The following MAGI2 variants were observed in gnomAD, a reference collection of about 807,000 sequenced individuals.
MAGI2 encodes membrane-associated guanylate kinase, WW and PDZ domain-containing protein 2.
MAGI2 carries 35 observed loss-of-function variants against 133.3 expected under a neutral mutation model. The ratio of observed to expected loss-of-function variants is 0.26; its 90% confidence interval spans 0.20 to 0.35. The LOEUF (loss-of-function observed/expected upper bound fraction) is 0.35, where lower values mean the gene tolerates loss of function less well. MAGI2 is among the 10% of genes least tolerant of loss of function. MAGI2 has a pLI of 1.00. For synonymous variants in MAGI2, 729 were observed against 710.6 expected, an observed-to-expected ratio of 1.03 and a Z score of -0.41; for missense variants, 1,636 against 1,863.4, an observed-to-expected ratio of 0.88 and a Z score of 2.25.
chr7:78,447,084 A>G (rs982448280), intron 6 of MAGI2, among the ~76,000 whole-genome samples: 35 of 152,090 alleles, frequency 2.3e-4, no homozygotes, highest in Admixed American at 3.9e-4. Flanking sequence ...GACTATCTGT[A>G]TATTCAAATA....
chr7:78,505,019 T>C (rs191666774), intron 4 of MAGI2, among the ~76,000 whole-genome samples: 2 of 152,280 alleles, frequency 1.3e-5, no homozygotes, highest in South Asian at 2.1e-4. Context: ...ACTGCAAGGA[T>C]GTACAACAGA....
At chr7:78,812,134 C>A (rs924431285) in intron 2 of MAGI2, among the ~76,000 whole-genome samples, 7 of 152,132 alleles carry the variant, frequency 4.6e-5, no homozygotes, top group African/African-American at 1.2e-4. Flanking sequence ...TCTCCCAGAT[C>A]CCCTAGAAAG....
intron 3 of MAGI2, among the ~76,000 whole-genome samples, chr7:78,594,235 A>G (rs192207598): frequency 1.5e-3 from 225 of 152,290 alleles, no homozygotes; most frequent in African/African-American, 5.2e-3. Context: ...ATGTTGCCCA[A>G]TTCTACAATT....
intron 2 of MAGI2, among the ~76,000 whole-genome samples, chr7:78,857,028 T>C (rs1350588095): frequency 6.6e-6 from 1 of 152,118 alleles, no homozygotes; most frequent in African/African-American, 2.4e-5. Context: ...TGAATGGGAG[T>C]TCACTCATGA....
Position 78,704,789 on chromosome 7 carries a change from T to TCC in MAGI2, c.419-77551_419-77550insGG, listed in dbSNP as rs71085558. 1.1e-3 allele frequency among the ~76,000 whole-genome samples: 158 copies of TCC among 140,332 alleles called. 3 individuals are homozygous for TCC. The highest frequency in any genetic ancestry group is 3.4e-3 in the African/African-American group (128 of 38,050). 92.1% of individuals were successfully genotyped at this position (140,332 alleles called of 152,430 possible). ...AGGAGGCCATTATTCTTTTTTTTTT[T>TCC]TTTTTTTCTGAAACGGAGTTTTACT... On this transcript the variant is annotated intron_variant, in intron 2 of 21. Transcript: ENST00000354212.
intron 9 of MAGI2, among the ~76,000 whole-genome samples, chr7:78,315,294 G>A (rs1787297164): frequency 6.6e-6 from 1 of 152,160 alleles, no homozygotes; most frequent in Admixed American, 6.5e-5. Context: ...GGGCCAGAGG[G>A]TTAACTCATG....
Position 78,800,081 on chromosome 7 carries a change from A to G in MAGI2, c.419-172842T>C, listed in dbSNP as rs184307417. 2.1e-3 allele frequency among the ~76,000 whole-genome samples: 324 copies of G among 152,238 alleles called. 1 individual carries two copies. The highest frequency in any genetic ancestry group is 0.017 in the South Asian group (84 of 4,822). On this transcript the variant is annotated intron_variant, in intron 2 of 21. Coordinates refer to ENST00000354212, the MANE Select transcript of MAGI2 (RefSeq NM_012301.4). ...GGTATGATTCATCTTTCTATAGTAA[A>G]TAATTTGGAAGTTTTACCACTATTT...
chr7:78,854,175 T>C (rs563725023), intron 2 of MAGI2, among the ~76,000 whole-genome samples: 2 of 152,304 alleles, frequency 1.3e-5, no homozygotes, highest in Admixed American at 1.3e-4. Context: ...AAACTATGTA[T>C]ACTCTAGAAA....
intron 19 of MAGI2, among the ~76,000 whole-genome samples, chr7:78,126,869 G>C (rs755818952): frequency 2.0e-5 from 3 of 152,208 alleles, no homozygotes; most frequent in Non-Finnish European, 4.4e-5. Flanking sequence ...AGAGGTCCCA[G>C]GTTAGAGCAT....
At chr7:79,265,735 G>A (rs1834410528) in intron 1 of MAGI2, among the ~76,000 whole-genome samples, 1 of 152,066 alleles carries the variant, frequency 6.6e-6, no homozygotes, top group Non-Finnish European at 1.5e-5. Context: ...TGCCTGGGAG[G>A]TGAATTATTG....
At chr7:78,400,851 G>A (rs62468259) in intron 6 of MAGI2, among the ~76,000 whole-genome samples, 39,737 of 151,878 alleles carry the variant, frequency 0.26, 5,679 homozygotes, top group Middle Eastern at 0.35. Context: ...CAAGATTTAA[G>A]TTTATGTATA....
chr7:78,109,160 T>C (rs1423792561), intron 20 of MAGI2, among the ~76,000 whole-genome samples: 13 of 149,420 alleles, frequency 8.7e-5, no homozygotes, highest in Admixed American at 3.3e-4. Context: ...AAATATTAGC[T>C]GGGCGTGGTG....
rs1179058008 is a variant in MAGI2, at chr7:78,019,654, G to C, written c.4029C>G (p.Pro1343=). 2.6e-6 allele frequency: 3 copies of C among 1,170,902 alleles called. No homozygotes were observed. The highest frequency in any genetic ancestry group is 3.8e-5 in the South Asian group (1 of 26,046). The allele number at this position is 1,170,902 out of a possible 1,614,324, so 72.5% of individuals were successfully genotyped here. ...GCCCGGGCGCCCTGGCCTCCGAGGC[G>C]GGCCTGCCGGCCTCGGGCCGCCCCT... ...GGQGRPEAGR[P]ASEARAPGLA... Residue 1343 remains proline (P), a synonymous_variant, in exon 22 of 22, where the codon CCC becomes CCG. Transcript: ENST00000354212.
intron 6 of MAGI2, among the ~76,000 whole-genome samples, chr7:78,421,607 G>C (rs1170635528): frequency 6.6e-6 from 1 of 152,166 alleles, no homozygotes; most frequent in Non-Finnish European, 1.5e-5. Flanking sequence ...GATCCCAGGA[G>C]TTCAAGATCA....
intron 1 of MAGI2, among the ~76,000 whole-genome samples, chr7:79,149,853 C>G (rs1823020264): frequency 6.6e-6 from 1 of 152,112 alleles, no homozygotes; most frequent in South Asian, 2.1e-4. Context: ...TTAGCAGAGT[C>G]TCAAATTTTT....
At chr7:78,677,883 C>CT (rs1815223324) in intron 2 of MAGI2, among the ~76,000 whole-genome samples, 1 of 152,078 alleles carries the variant, frequency 6.6e-6, no homozygotes. Flanking sequence ...TCTGGGGGAG[C>CT]TGTCAGGAGA....
intron 2 of MAGI2, among the ~76,000 whole-genome samples, chr7:78,852,394 T>C (rs1397473635): frequency 1.3e-5 from 2 of 152,112 alleles, no homozygotes; most frequent in African/African-American, 4.8e-5. Context: ...TTATATAGTT[T>C]TGTTAATATT....
chr7:79,009,672 A>G (rs1345763030), intron 1 of MAGI2, among the ~76,000 whole-genome samples: 3 of 152,154 alleles, frequency 2.0e-5, no homozygotes, highest in Non-Finnish European at 4.4e-5. Flanking sequence ...CTGGAAAGTC[A>G]TTCAATCATT....
intron 2 of MAGI2, among the ~76,000 whole-genome samples, chr7:78,845,037 T>C (rs1047218335): frequency 1.3e-5 from 2 of 151,936 alleles, no homozygotes; most frequent in African/African-American, 4.8e-5. Flanking sequence ...CCAAAGGAGC[T>C]TGGTAGATTA....
Sources: allele counts gnomAD v4.1 joint callset (sites outside exome capture counted in the v4.1 genomes callset), GRCh38; gene constraint gnomAD v4.1.1; transcripts MANE v1.5; gene names NCBI Gene and HGNC (gene_info 2026-07-23, HGNC 2026-07-21).